Variants in B3GALT1 observed in about 807,000 individuals in gnomAD.
B3GALT1 encodes the protein UDP-Gal:betaGlcNAc beta 1,3-galactosyltransferase, polypeptide 1.
Under a neutral mutation model 23.2 loss-of-function variants are expected in B3GALT1, and 10 were observed. The ratio of observed to expected loss-of-function variants is 0.43; its 90% CI spans 0.27 to 0.73. B3GALT1 has a LOEUF of 0.73. Among genes scored for constraint, B3GALT1 ranks in the 30% least tolerant of loss-of-function variants. The pLI, the probability that B3GALT1 is intolerant of heterozygous loss-of-function variation, is 0.21. For missense variants in B3GALT1, 299 were observed against 405.4 expected (o/e 0.74, Z 2.25); for synonymous variants, 156 against 141.5 (o/e 1.10, Z -0.73).
intron 3 of B3GALT1, among the ~76,000 whole-genome samples, chr2:167,733,140 ATCT>A (rs57302970): frequency 0.16 from 24,738 of 151,998 alleles, 2,271 homozygotes; most frequent in East Asian, 0.29. Context: ...GGAGAATCTG[ATCT>A]TCTTACTAGC....
chr2:167,752,580 G>A (rs964380070), intron 3 of B3GALT1, among the ~76,000 whole-genome samples: 1 of 67,770 alleles, frequency 1.5e-5, no homozygotes, highest in Admixed American at 1.6e-4. Flanking sequence ...CCTCCCCCCC[G>A]CCCCTCTCCC....
At chr2:167,300,656 A>C (rs368531842) in intron 1 of B3GALT1, among the ~76,000 whole-genome samples, 13 of 152,192 alleles carry the variant, frequency 8.5e-5, no homozygotes. Context: ...AATAATCACA[A>C]ATATGTGGGG....
intron 3 of B3GALT1, among the ~76,000 whole-genome samples, chr2:167,696,383 TGTA>T (rs1469386353): frequency 2.6e-5 from 4 of 151,270 alleles, no homozygotes; most frequent in Admixed American, 2.0e-4. Context: ...GTATCTGACA[TGTA>T]GTAGGTGCTC....
chr2:167,639,663 A>G (rs1558933430), intron 2 of B3GALT1, among the ~76,000 whole-genome samples: 1 of 152,040 alleles, frequency 6.6e-6, no homozygotes, highest in East Asian at 1.9e-4. Flanking sequence ...TCTAACATAT[A>G]CTCATGCAAA....
chr2:167,584,120 C>A (rs1426117072), intron 2 of B3GALT1, among the ~76,000 whole-genome samples: 1 of 152,098 alleles, frequency 6.6e-6, no homozygotes, highest in Non-Finnish European at 1.5e-5. Flanking sequence ...TTTTTTCCCA[C>A]TTTTCATCAC....
chr2:167,324,459 T>C (rs1022291876), intron 1 of B3GALT1, among the ~76,000 whole-genome samples: 3 of 152,056 alleles, frequency 2.0e-5, no homozygotes, highest in African/African-American at 4.8e-5. Context: ...TATTTATAGA[T>C]TGTCCACATG....
intron 3 of B3GALT1, among the ~76,000 whole-genome samples, chr2:167,737,365 C>CT (rs1687509623): frequency 6.6e-6 from 1 of 152,212 alleles, no homozygotes; most frequent in African/African-American, 2.4e-5. Flanking sequence ...AGCCTGAGCT[C>CT]TTAATCAGCA....
chr2:167,398,407 TTTTC>T (rs1559084910), intron 1 of B3GALT1, among the ~76,000 whole-genome samples: 1 of 152,042 alleles, frequency 6.6e-6, no homozygotes, highest in African/African-American at 2.4e-5. Context: ...ATCTCTACCG[TTTTC>T]TTTATTTTTA....
chr2:167,727,143 G>A (rs1687330690), intron 3 of B3GALT1, among the ~76,000 whole-genome samples: 1 of 151,030 alleles, frequency 6.6e-6, no homozygotes, highest in Non-Finnish European at 1.5e-5. Context: ...ATGTCACAGA[G>A]CCCCGTAGCC....
At chr2:167,605,972 A>G (rs960892601) in intron 2 of B3GALT1, among the ~76,000 whole-genome samples, 5 of 152,172 alleles carry the variant, frequency 3.3e-5, no homozygotes, top group African/African-American at 1.2e-4. Context: ...GTGTGCATGT[A>G]TTAGGTCAAT....
chr2:167,560,285 T>A (rs1326051890), intron 2 of B3GALT1, among the ~76,000 whole-genome samples: 4 of 151,812 alleles, frequency 2.6e-5, no homozygotes, highest in Non-Finnish European at 5.9e-5. Flanking sequence ...AGGCCTGCCC[T>A]CAAAGAGCTC....
chr2:167,565,617 G>A (rs1431951202), intron 2 of B3GALT1, among the ~76,000 whole-genome samples: 3 of 152,074 alleles, frequency 2.0e-5, no homozygotes, highest in African/African-American at 4.8e-5. Flanking sequence ...ATCTGACAAA[G>A]GGCTAATATC....
At chr2:167,794,227 A>G (rs1024541806) in intron 3 of B3GALT1, among the ~76,000 whole-genome samples, 3 of 152,338 alleles carry the variant, frequency 2.0e-5, no homozygotes, top group African/African-American at 4.8e-5. Context: ...GTCTGATTCA[A>G]TTATTTTTCA....
intron 1 of B3GALT1, among the ~76,000 whole-genome samples, chr2:167,321,331 A>G (rs541600460): frequency 6.6e-6 from 1 of 152,238 alleles, no homozygotes; most frequent in South Asian, 2.1e-4. Context: ...CAGTTCCAGC[A>G]TATATAAAAT....
intron 1 of B3GALT1, among the ~76,000 whole-genome samples, chr2:167,321,299 C>T (rs971968416): frequency 2.0e-5 from 3 of 151,998 alleles, no homozygotes; most frequent in Non-Finnish European, 2.9e-5. Context: ...TTTTTGTTTA[C>T]ACAGAAAATA....
chr2:167,305,122 G>C (rs2105482260), intron 1 of B3GALT1, among the ~76,000 whole-genome samples: 1 of 152,196 alleles, frequency 6.6e-6, no homozygotes, highest in Non-Finnish European at 1.5e-5. Flanking sequence ...AGCCACCTAG[G>C]TATCCTTTAG....
chr2:167,833,011 G>C (rs1193255867), intron 4 of B3GALT1, among the ~76,000 whole-genome samples: 2 of 152,202 alleles, frequency 1.3e-5, no homozygotes, highest in African/African-American at 4.8e-5. Flanking sequence ...GAGCAAAAAG[G>C]TTTCTGCTCT....
At chr2:167,716,118 G>A (rs868846775) in intron 3 of B3GALT1, 16 of 1,481,212 alleles carry the variant, frequency 1.1e-5, no homozygotes, top group Middle Eastern at 2.4e-4. Context: ...ACAACAAGCG[G>A]TGGAGAACAC....
rs1425201484 is a variant in B3GALT1, at chr2:167,872,242, T to G, written c.*2222T>G. 6.6e-6 allele frequency: 1 copy of G among 152,044 alleles called. No individual in the cohort carries two copies. Among genetic ancestry groups the G allele is most frequent in the African/African-American group, 2.4e-5 (1 of 41,368 alleles). The allele number at this position is 152,044 out of a possible 1,614,324, so 9.4% of individuals were successfully genotyped here. On this transcript the variant is annotated 3_prime_UTR_variant, in exon 5 of 5. Coordinates refer to ENST00000392690, the MANE Select transcript of B3GALT1 (RefSeq NM_020981.4). ...TTAACCTGACCCCTGGAGCCCCCCG[T>G]AGGAGTTGATAGCAAACAGATAGAC...
Sources: gnomAD v4.1 joint callset for allele counts (sites outside exome capture counted in the v4.1 genomes callset) on GRCh38, gnomAD v4.1.1 for gene constraint, MANE v1.5 for transcripts, NCBI Gene and HGNC (gene_info 2026-07-23, HGNC 2026-07-21) for gene names.